Variants in SLCO2B1 observed in about 807,000 individuals in gnomAD.
The protein encoded by SLCO2B1 is OATP-RP2.
Under a neutral mutation model 67.3 loss-of-function variants are expected in SLCO2B1, and 41 were observed. That is an observed-to-expected ratio of 0.61 (90% CI 0.47 to 0.79). SLCO2B1 has a LOEUF of 0.79. SLCO2B1 is among the 30% of genes least tolerant of loss of function. The pLI is 0.00. For missense variants in SLCO2B1, 837 were observed against 920.1 expected (o/e 0.91, Z 1.17); for synonymous variants, 379 against 381.4 (o/e 0.99, Z 0.07).
chr11:75,200,005 C>G, intron 10 of SLCO2B1: 1 of 528,262 alleles, frequency 1.9e-6, no homozygotes, highest in Non-Finnish European at 3.3e-6. Flanking sequence ...TGCCCACCAC[C>G]TCAGCCCAGG....
intron 7 of SLCO2B1, among the ~76,000 whole-genome samples, chr11:75,175,313 C>T (rs1266132045): frequency 6.6e-6 from 1 of 152,066 alleles, no homozygotes; most frequent in Admixed American, 6.6e-5. Flanking sequence ...CCCAGGAGGG[C>T]CACCAATGAG....
rs111442424 is a variant in SLCO2B1 at position 75,177,175 on chromosome 11, TACAC to T, written c.972+4627_972+4630del. 1.1e-3 allele frequency among the ~76,000 whole-genome samples: 168 copies of T among 149,640 alleles called. 1 individual carries two copies. In the East Asian group the frequency reaches 0.019, roughly 17 times the overall value. On this transcript the variant is annotated intron_variant, in intron 7 of 13. Transcript: ENST00000289575. ...CAGGGCTAAGGGCCTTCCACCCCTC[TACAC>T]ACACACACACACACACACACTTCAG...
intron 3 of SLCO2B1, 101 bp downstream of exon 3, chr11:75,164,201 T>G: frequency 7.6e-7 from 1 of 1,309,736 alleles, no homozygotes; most frequent in Non-Finnish European, 1.0e-6. Flanking sequence ...GGCCTTCCCC[T>G]CCCAGTGCCC....
intron 7 of SLCO2B1, among the ~76,000 whole-genome samples, chr11:75,183,932 G>A (rs1218699819): frequency 6.6e-6 from 1 of 152,190 alleles, no homozygotes; most frequent in African/African-American, 2.4e-5. Context: ...CATGTGTGAA[G>A]GAGTGTAGGA....
chr11:75,173,902 A>C (rs936614078), intron 7 of SLCO2B1, among the ~76,000 whole-genome samples: 1 of 152,242 alleles, frequency 6.6e-6, no homozygotes, highest in African/African-American at 2.4e-5. Context: ...TCCCAGGTTC[A>C]AGCGATTCTT....
chr11:75,187,768 T>C lies in SLCO2B1; in HGVS notation c.973-368T>C, dbSNP rs543232472. Among the ~76,000 whole-genome samples the C allele has an allele frequency of 7.9e-5, 12 of 152,196 alleles. No homozygotes were observed. In the South Asian group the frequency reaches 2.5e-3, roughly 32 times the overall value. ...AATTTGTCATTTAGTCACAACGATA[T>C]GGGTGATGTGAATGAGGGTGATATT... On this transcript the variant is annotated intron_variant, in intron 7 of 13. Coordinates refer to ENST00000289575, the MANE Select transcript of SLCO2B1 (RefSeq NM_007256.5).
chr11:75,176,390 G>A (rs574550046), intron 7 of SLCO2B1, among the ~76,000 whole-genome samples: 6 of 152,304 alleles, frequency 3.9e-5, no homozygotes, highest in East Asian at 1.9e-4. Flanking sequence ...GAGCACCACC[G>A]GACTCTGTGA....
chr11:75,166,068 A>G, intron 4 of SLCO2B1, 119 bp downstream of exon 4: 1 of 1,252,380 alleles, frequency 8.0e-7, no homozygotes, highest in Non-Finnish European at 1.1e-6. Flanking sequence ...ACACCCCAGG[A>G]CAGCTGCTAG....
At position 75,193,850 on chromosome 11, in the gene SLCO2B1, G is replaced by A. The variant is rs1390169119; in HGVS notation, c.1433+275G>A. On this transcript the variant is annotated intron_variant, in intron 9 of 13. Transcript: ENST00000289575. The surrounding 1 kb of genome is among the most constrained non-coding windows in gnomAD (Gnocchi z 4.2). ...GGTGTGGAGGCTGAGATAGGGCAGA[G>A]CCACCCATGGGATGGCATGTCCAGG... is the stretch of plus-strand genomic sequence containing the variant. Among the ~76,000 whole-genome samples the A allele has an allele frequency of 6.6e-6, 1 of 152,226 alleles. No homozygotes were observed. Among genetic ancestry groups the A allele is most frequent in the African/African-American group, 2.4e-5 (1 of 41,470 alleles).
At chr11:75,185,914 T>C (rs1316616608) in intron 7 of SLCO2B1, among the ~76,000 whole-genome samples, 1 of 152,188 alleles carries the variant, frequency 6.6e-6, no homozygotes, top group Non-Finnish European at 1.5e-5. Flanking sequence ...AAAGCAAAAT[T>C]AGAAATGCTT....
intron 12 of SLCO2B1, 155 bp downstream of exon 12, chr11:75,203,120 G>T (rs926914954): frequency 9.0e-7 from 1 of 1,110,092 alleles, no homozygotes; most frequent in Admixed American, 1.8e-5. Context: ...CTCCTAGAGC[G>T]GGGTATAGAG....
rs117821550 is a variant in SLCO2B1 at position 75,188,694 on chromosome 11, C to G, written c.1075+456C>G. Among the ~76,000 whole-genome samples, 6 of 152,322 alleles carry G rather than the reference C, an allele frequency of 3.9e-5. No homozygotes were observed. In the East Asian group the frequency reaches 1.2e-3, roughly 29 times the overall value. ...TGAGCCAAGATCACACCACTGCACT[C>G]CAGCAGACAGAGACTTCATTTCAAA... is the stretch of plus-strand genomic sequence containing the variant. On this transcript the variant is annotated intron_variant, in intron 8 of 13. Coordinates refer to ENST00000289575, the MANE Select transcript of SLCO2B1 (RefSeq NM_007256.5).
At chr11:75,151,670 G>A in intron 1 of SLCO2B1, 1 of 534,290 alleles carries the variant, frequency 1.9e-6, no homozygotes, top group Non-Finnish European at 3.3e-6. Flanking sequence ...ACAACAGAAA[G>A]ACAGGCCCCT....
In SLCO2B1 at chr11:75,163,955, C is replaced by T. The variant is rs1243571234; in HGVS notation, c.148-8C>T. ...CCCACCTCTGCCTGCCTCCGGGTCCCCCCACAGCTGTTCGTTCTGTGCCAC... is the reference window on the plus strand; with the variant it reads ...CCCACCTCTGCCTGCCTCCGGGTCCTCCCACAGCTGTTCGTTCTGTGCCAC... On this transcript the variant is annotated splice_region_variant and splice_polypyrimidine_tract_variant and intron_variant, in intron 2 of 13. Transcript: ENST00000289575. The T allele has an allele frequency of 1.3e-6, 2 of 1,594,254 alleles. No individual in the cohort carries two copies. Among genetic ancestry groups the T allele is most frequent in the Non-Finnish European group, 1.7e-6 (2 of 1,170,878 alleles).
Position 75,193,288 on chromosome 11 carries a change from C to T in SLCO2B1, c.1146C>T (p.Cys382=). The part of the protein sequence containing the change: ...IFLLVVLSQV[C]LSSMAAGMAT... ...TGCTGGTGGTCCTGTCCCAGGTATGCTTGTCATCCATGGCTGCGGGCATGG... is the reference window on the plus strand; with the variant it reads ...TGCTGGTGGTCCTGTCCCAGGTATGTTTGTCATCCATGGCTGCGGGCATGG... Residue 382 remains cysteine, a synonymous_variant, in exon 9 of 14, where the codon TGC becomes TGT. Coordinates refer to ENST00000289575, the MANE Select transcript of SLCO2B1 (RefSeq NM_007256.5). This position sits in a 1 kb window ranked among gnomAD's most constrained non-coding sequence, Gnocchi z 4.2. 13 of 1,613,996 alleles carry T rather than the reference C, an allele frequency of 8.1e-6. No homozygotes were observed. The highest frequency in any genetic ancestry group is 1.1e-5 in the South Asian group (1 of 91,082).
At chr11:75,188,712 A>G (rs1944975352) in intron 8 of SLCO2B1, among the ~76,000 whole-genome samples, 1 of 152,172 alleles carries the variant, frequency 6.6e-6, no homozygotes. Context: ...CAGAGACTTC[A>G]TTTCAAAAAC....
intron 3 of SLCO2B1, among the ~76,000 whole-genome samples, chr11:75,165,206 T>A (rs146911644): frequency 6.6e-6 from 1 of 151,986 alleles, no homozygotes; most frequent in African/African-American, 2.4e-5. Context: ...CTGAGGTGGG[T>A]GGATCACTTG....
chr11:75,151,656 G>C, intron 1 of SLCO2B1: 2 of 550,166 alleles, frequency 3.6e-6, no homozygotes, highest in East Asian at 3.0e-5. Context: ...CCGAGACTTA[G>C]AGGACAACAG....
chr11:75,168,636 C>T (rs1949921863), intron 4 of SLCO2B1, among the ~76,000 whole-genome samples: 1 of 152,216 alleles, frequency 6.6e-6, no homozygotes, highest in South Asian at 2.1e-4. Context: ...CCAGCTGCCC[C>T]ACCCTGTTCC....
Sources: gnomAD v4.1 joint callset for allele counts (sites outside exome capture counted in the v4.1 genomes callset) on GRCh38, gnomAD v4.1.1 for gene constraint, Gnocchi (gnomAD v3.1) non-coding constraint, MANE v1.5 for transcripts, NCBI Gene and HGNC (gene_info 2026-07-23, HGNC 2026-07-21) for gene names.